The following MYRIP variants were observed in gnomAD, a reference collection of about 807,000 sequenced individuals.
MYRIP encodes the protein rab effector MyRIP.
MYRIP carries 49 observed loss-of-function variants against 98.0 expected under a neutral mutation model. The observed-to-expected ratio is 0.50, with a 90% CI of 0.40 to 0.63. MYRIP has a LOEUF of 0.63. MYRIP is among the 30% of genes least tolerant of loss of function. The pLI is 0.00. For missense variants in MYRIP, 1,004 were observed against 1,058.2 expected (o/e 0.95, Z 0.71); for synonymous variants, 404 against 409.5 (o/e 0.99, Z 0.16).
intron 2 of MYRIP, among the ~76,000 whole-genome samples, chr3:39,987,546 G>A (rs1325365183): frequency 6.6e-6 from 1 of 152,134 alleles, no homozygotes; most frequent in African/African-American, 2.4e-5. Context: ...GGGTCAAATG[G>A]TATGTCTGGT....
At chr3:39,914,892 T>C (rs1944115575) in intron 2 of MYRIP, among the ~76,000 whole-genome samples, 1 of 147,404 alleles carries the variant, frequency 6.8e-6, no homozygotes, top group South Asian at 2.2e-4. Flanking sequence ...TAAAAAAATT[T>C]ATACAGTTCC....
At chr3:40,057,244 C>T (rs1230958323) in intron 3 of MYRIP, among the ~76,000 whole-genome samples, 1 of 152,110 alleles carries the variant, frequency 6.6e-6, no homozygotes, top group African/African-American at 2.4e-5. Flanking sequence ...TTTGGAGAAG[C>T]CTAAACAGTC....
At chr3:40,090,955 G>T (rs1948727100) in intron 3 of MYRIP, among the ~76,000 whole-genome samples, 1 of 152,170 alleles carries the variant, frequency 6.6e-6, no homozygotes, top group South Asian at 2.1e-4. Context: ...TTCAGTCATG[G>T]TTTCTTGGGT....
At chr3:39,858,011 A>G (rs1014987847) in intron 1 of MYRIP, among the ~76,000 whole-genome samples, 1 of 152,196 alleles carries the variant, frequency 6.6e-6, no homozygotes, top group Non-Finnish European at 1.5e-5. Context: ...GAAAACAATG[A>G]ACAAAATAGC....
At chr3:40,244,731 G>A (rs1373154147) in intron 13 of MYRIP, 124 bp downstream of exon 13, 3 of 1,082,334 alleles carry the variant, frequency 2.8e-6, no homozygotes, top group African/African-American at 1.6e-5. Context: ...ATGTTTGCGT[G>A]GATACAGTCC....
At chr3:39,828,134 G>A (rs1415544012) in intron 1 of MYRIP, among the ~76,000 whole-genome samples, 4 of 151,982 alleles carry the variant, frequency 2.6e-5, no homozygotes, top group Non-Finnish European at 4.4e-5. Context: ...TGTCTTCTAG[G>A]AACTTATGGA....
chr3:40,066,856 C>G (rs1384097078), intron 3 of MYRIP, among the ~76,000 whole-genome samples: 1 of 152,142 alleles, frequency 6.6e-6, no homozygotes, highest in Non-Finnish European at 1.5e-5. Context: ...TACCAACTGT[C>G]CCTCTATACT....
rs79308289 is a variant in MYRIP, at chr3:40,123,324, C to T, written c.333-27724C>T. On this transcript the variant is annotated intron_variant, in intron 3 of 16. Transcript: ENST00000302541. ...GAAGAAGTTTCAGTAAGCTGAAGTT[C>T]GTTAAAAGTTATTTAAGATTGTCCT... is the stretch of plus-strand genomic sequence containing the variant. Among the ~76,000 whole-genome samples, 1,257 of 152,206 alleles carry T rather than the reference C, an allele frequency of 8.3e-3. 16 individuals are homozygous for T. Among genetic ancestry groups the T allele is most frequent in the African/African-American group, 0.028 (1,174 of 41,518 alleles).
intron 1 of MYRIP, among the ~76,000 whole-genome samples, chr3:39,843,964 T>TGTATGAAGA (rs1340549272): frequency 5.3e-5 from 8 of 152,342 alleles, no homozygotes; most frequent in African/African-American, 1.7e-4. Flanking sequence ...ATGTCCATTT[T>TGTATGAAGA]GTATGAAGAC....
chr3:39,835,470 A>T (rs1426356772), intron 1 of MYRIP, among the ~76,000 whole-genome samples: 1 of 152,190 alleles, frequency 6.6e-6, no homozygotes, highest in African/African-American at 2.4e-5. Flanking sequence ...AACATACCAC[A>T]AATATTTTAT....
intron 2 of MYRIP, among the ~76,000 whole-genome samples, chr3:39,955,639 C>G (rs1023187590): frequency 7.2e-5 from 11 of 152,254 alleles, no homozygotes; most frequent in African/African-American, 2.4e-4. Context: ...AAATAACCAG[C>G]TAACATCATA....
chr3:39,888,088 A>C (rs1943360885), intron 1 of MYRIP, among the ~76,000 whole-genome samples: 1 of 152,068 alleles, frequency 6.6e-6, no homozygotes, highest in Non-Finnish European at 1.5e-5. Context: ...AATATCGTGA[A>C]AATGGCCATA....
intron 2 of MYRIP, among the ~76,000 whole-genome samples, chr3:40,009,483 G>A (rs566402576): frequency 1.3e-5 from 2 of 151,946 alleles, no homozygotes; most frequent in South Asian, 2.1e-4. Flanking sequence ...TGATCCGCCC[G>A]CCTCGGCCTC....
intron 2 of MYRIP, among the ~76,000 whole-genome samples, chr3:40,040,382 G>A (rs1947482705): frequency 8.2e-6 from 1 of 122,610 alleles, no homozygotes; most frequent in African/African-American, 3.2e-5. Context: ...CTGTTGGTGG[G>A]ACTGTAAACT....
At chr3:40,240,189 C>G (rs1319099152) in intron 12 of MYRIP, among the ~76,000 whole-genome samples, 6 of 151,482 alleles carry the variant, frequency 4.0e-5, no homozygotes, top group East Asian at 1.9e-4. Context: ...GCTTGTTTTT[C>G]TCAGGTTTGT....
intron 11 of MYRIP, among the ~76,000 whole-genome samples, chr3:40,225,715 T>C (rs1464245435): frequency 6.6e-6 from 1 of 152,206 alleles, no homozygotes; most frequent in Admixed American, 6.5e-5. Context: ...AGAATCAACC[T>C]GGCACAGGAT....
intron 2 of MYRIP, among the ~76,000 whole-genome samples, chr3:39,925,912 T>C (rs34082183): frequency 0.09 from 13,747 of 152,150 alleles, 735 homozygotes; most frequent in African/African-American, 0.15. Context: ...TCCAAACTAC[T>C]TTCCACAGTG....
intron 3 of MYRIP, among the ~76,000 whole-genome samples, chr3:40,108,959 A>G (rs1949105484): frequency 6.6e-6 from 1 of 152,098 alleles, no homozygotes; most frequent in Non-Finnish European, 1.5e-5. Context: ...CCCTGCCCCA[A>G]TCACCCCAGG....
At chr3:40,154,105 A>C (rs1488799826) in intron 4 of MYRIP, among the ~76,000 whole-genome samples, 1 of 150,796 alleles carries the variant, frequency 6.6e-6, no homozygotes, top group Admixed American at 6.7e-5. Context: ...GCACCACTGC[A>C]CTCCAGCCTG....
Sources: allele counts gnomAD v4.1 joint callset (sites outside exome capture counted in the v4.1 genomes callset), GRCh38; gene constraint gnomAD v4.1.1; transcripts MANE v1.5; gene names NCBI Gene and HGNC (gene_info 2026-07-23, HGNC 2026-07-21).